The following SMURF2 variants were observed in gnomAD, a reference collection of about 807,000 sequenced individuals.
The protein encoded by SMURF2 is E3 ubiquitin-protein ligase SMURF2.
A neutral mutation model predicts 109.6 loss-of-function variants in SMURF2; 48 were observed. The ratio of observed to expected loss-of-function variants is 0.44; its 90% CI spans 0.35 to 0.56. SMURF2 has a LOEUF of 0.56. Ranked by LOEUF, SMURF2 falls within the 20% of genes least tolerant of loss-of-function variation. The pLI is 0.01. For missense variants in SMURF2, 575 were observed against 909.0 expected (o/e 0.63, Z 4.72); for synonymous variants, 288 against 317.1 (o/e 0.91, Z 0.97).
intron 1 of SMURF2, among the ~76,000 whole-genome samples, chr17:64,646,449 T>C (rs367620755): frequency 1.3e-5 from 2 of 149,386 alleles, no homozygotes; most frequent in East Asian, 2.0e-4. Flanking sequence ...AGTGGCACCA[T>C]CTCGGCTCAC....
Position 64,562,979 on chromosome 17 carries a change from A to G in SMURF2, c.1017-13T>C, listed in dbSNP as rs782319749. ...TTGGTTCTGCCGACTAGAAGTAAAC[A>G]TAGATGTTATTATTAAAGTATATCA... On this transcript the variant is annotated splice_polypyrimidine_tract_variant and intron_variant, in intron 10 of 18. Transcript: ENST00000262435. 2 of 1,588,480 alleles carry G rather than the reference A, an allele frequency of 1.3e-6. No individual in the cohort carries two copies. The highest frequency in any genetic ancestry group is 2.3e-5 in the South Asian group (2 of 86,874).
intron 10 of SMURF2, among the ~76,000 whole-genome samples, chr17:64,570,335 A>G (rs1342980179): frequency 6.6e-6 from 1 of 152,238 alleles, no homozygotes; most frequent in Non-Finnish European, 1.5e-5. Context: ...AGAAGCTAAA[A>G]TGAATTATTC....
At chr17:64,593,668 T>C (rs1555687881) in intron 3 of SMURF2, 95 bp from the exon 4 acceptor site, 4 of 1,067,698 alleles carry the variant, frequency 3.7e-6, no homozygotes, top group East Asian at 2.6e-5. Flanking sequence ...AAGTTACTAA[T>C]ATGCTTCAGA....
chr17:64,618,219 G>T (rs1367630196), intron 1 of SMURF2, among the ~76,000 whole-genome samples: 1 of 152,136 alleles, frequency 6.6e-6, no homozygotes, highest in East Asian at 1.9e-4. Flanking sequence ...AATCACTTGA[G>T]CCCAAGAGTT....
chr17:64,576,755 G>A lies in SMURF2; in HGVS notation c.857+1737C>T, dbSNP rs528185110. Among the ~76,000 whole-genome samples, 51 of 151,496 alleles carry A rather than the reference G, an allele frequency of 3.4e-4. No homozygotes were observed. The South Asian group carries it at 7.3e-3, about 22-fold the overall frequency. On this transcript the variant is annotated intron_variant, in intron 9 of 18. Transcript: ENST00000262435. ...AACAGAACATTGAATGCATTTATGA[G>A]GTTAAATTTTTCAAAGATTTTTTTT...
At chr17:64,660,466 T>C (rs1015319806) in intron 1 of SMURF2, among the ~76,000 whole-genome samples, 1 of 152,114 alleles carries the variant, frequency 6.6e-6, no homozygotes, top group Non-Finnish European at 1.5e-5. Context: ...AATGATTCCC[T>C]GCAATTTTCC....
In SMURF2 at chr17:64,563,916, T is replaced by C. The variant is rs895337390; in HGVS notation, c.1017-950A>G. 2.0e-5 allele frequency among the ~76,000 whole-genome samples: 3 copies of C among 152,066 alleles called. No individual in the cohort carries two copies. In the East Asian group the frequency reaches 5.8e-4, roughly 29 times the overall value. ...AATACCACCCTCAGCTTAAAGAAAA[T>C]TGCTGCTCTTCAAAAGACACTGTTT... On this transcript the variant is annotated intron_variant, in intron 10 of 18. Transcript: ENST00000262435.
intron 1 of SMURF2, among the ~76,000 whole-genome samples, chr17:64,633,977 C>A (rs535765761): frequency 6.6e-6 from 1 of 151,938 alleles, no homozygotes; most frequent in Admixed American, 6.6e-5. Context: ...GCCAACATGG[C>A]GAAACTGTCT....
At chr17:64,611,017 A>G (rs764123029) in intron 1 of SMURF2, among the ~76,000 whole-genome samples, 18 of 151,964 alleles carry the variant, frequency 1.2e-4, no homozygotes, top group Non-Finnish European at 2.5e-4. Context: ...GTTTAACACC[A>G]CATTCACCTG....
rs73333943 is a variant in SMURF2, at chr17:64,587,758, T to C, written c.401-1588A>G. On this transcript the variant is annotated intron_variant, in intron 5 of 18. Coordinates refer to ENST00000262435, the MANE Select transcript of SMURF2 (RefSeq NM_022739.4). ...CTACTTGGCAAATGTAAACAAAACA[T>C]TATATGAAAACTGTACTAGACAACT... Among the ~76,000 whole-genome samples the C allele has an allele frequency of 2.1e-3, 324 of 152,266 alleles. 1 individual carries two copies. Among genetic ancestry groups the C allele is most frequent in the African/African-American group, 7.4e-3 (309 of 41,558 alleles).
chr17:64,565,865 A>G (rs553349316), intron 10 of SMURF2, among the ~76,000 whole-genome samples: 16 of 152,158 alleles, frequency 1.1e-4, no homozygotes, highest in Admixed American at 5.2e-4. Context: ...AGCAAAGGAA[A>G]TAAAAAAAAA....
chr17:64,661,376 A>T (rs1157020426), intron 1 of SMURF2, among the ~76,000 whole-genome samples: 1 of 152,070 alleles, frequency 6.6e-6, no homozygotes, highest in Non-Finnish European at 1.5e-5. Context: ...CCGGGAACAC[A>T]CACGCACACC....
At position 64,543,111 on chromosome 17, in the gene SMURF2, C is replaced by T. The variant is rs1968897576; in HGVS notation, c.*2737G>A. The T allele has an allele frequency of 6.6e-6, 1 of 152,162 alleles. No individual in the cohort carries two copies. Among genetic ancestry groups the T allele is most frequent in the Admixed American group, 6.5e-5 (1 of 15,274 alleles). The allele number at this position is 152,162 out of a possible 1,614,324, so 9.4% of individuals were successfully genotyped here. A position where few individuals can be genotyped will look rare whatever the true frequency, so the allele number is the denominator to read the frequency against. On this transcript the variant is annotated 3_prime_UTR_variant, in exon 19 of 19. Transcript: ENST00000262435. ...AGAGGGACATGGAAATAAATATTCA[C>T]ATTAAACATGAGGTGCAAGTCCATG...
chr17:64,570,339 AT>A (rs1276643441), intron 10 of SMURF2, among the ~76,000 whole-genome samples: 1 of 152,252 alleles, frequency 6.6e-6, no homozygotes, highest in Non-Finnish European at 1.5e-5. Context: ...GCTAAAATGA[AT>A]TATTCAGGGG....
intron 10 of SMURF2, among the ~76,000 whole-genome samples, chr17:64,565,604 C>T (rs1969289038): frequency 6.7e-6 from 1 of 149,494 alleles, no homozygotes; most frequent in African/African-American, 2.5e-5. Context: ...GGAATCAAAA[C>T]ATGAAGGGAA....
chr17:64,580,845 C>T lies in SMURF2; in HGVS notation c.716G>A (p.Arg239Lys), dbSNP rs200444294. The change falls in exon 8 of 19, where the codon AGA becomes AAA. Residue 239 changes from arginine to lysine, a missense_variant. By Grantham distance (26) the Arg-to-Lys change is conservative (BLOSUM62 2). Transcript: ENST00000262435. ...TAAATGTGTTCTGCTCATGTAATTT[C>T]TATGTCGTTGTGACCTGACTCTCCT... ...AERRVRSQRH[R>K]NYMSRTHLHT... The T allele has an allele frequency of 5.0e-5, 80 of 1,614,162 alleles. No homozygotes were observed. Among genetic ancestry groups the T allele is most frequent in the Non-Finnish European group, 8.5e-7 (1 of 1,180,016 alleles).
At chr17:64,633,801 A>AC (rs71357090) in intron 1 of SMURF2, among the ~76,000 whole-genome samples, 7,480 of 150,754 alleles carry the variant, frequency 0.05, 308 homozygotes, top group Admixed American at 0.14. Context: ...TTAGCCCCCC[A>AC]CCCCCCAAAA....
chr17:64,585,440 C>T (rs187770731), intron 6 of SMURF2, among the ~76,000 whole-genome samples: 1 of 152,252 alleles, frequency 6.6e-6, no homozygotes, highest in East Asian at 1.9e-4. Flanking sequence ...TCATTTGATC[C>T]TCTCAACAGT....
chr17:64,586,544 C>T (rs1450089602), intron 5 of SMURF2, among the ~76,000 whole-genome samples: 3 of 150,840 alleles, frequency 2.0e-5, no homozygotes, highest in Admixed American at 6.6e-5. Flanking sequence ...GTCAGGAGAT[C>T]GAGACCATCC....
Sources: allele counts gnomAD v4.1 joint callset (sites outside exome capture counted in the v4.1 genomes callset), GRCh38; gene constraint gnomAD v4.1.1; transcripts MANE v1.5; gene names NCBI Gene and HGNC (gene_info 2026-07-23, HGNC 2026-07-21).